The following TMCC1 variants were observed in gnomAD, a reference collection of about 807,000 sequenced individuals.
The protein encoded by TMCC1 is transmembrane and coiled-coil domains protein 1.
A neutral mutation model predicts 52.4 loss-of-function variants in TMCC1; 15 were observed. The ratio of observed to expected loss-of-function variants is 0.29; its 90% CI spans 0.19 to 0.44. TMCC1 has a LOEUF of 0.44. Among genes scored for constraint, TMCC1 ranks in the 20% least tolerant of loss-of-function variants. The pLI, the probability that TMCC1 is intolerant of heterozygous loss-of-function variation, is 1.00. For synonymous variants in TMCC1, 279 were observed against 301.9 expected (o/e 0.92, Z 0.79); for missense variants, 503 against 806.0 (o/e 0.62, Z 4.55).
chr3:129,654,345 C>T (rs747214772), intron 6 of TMCC1, among the ~76,000 whole-genome samples: 14 of 152,196 alleles, frequency 9.2e-5, no homozygotes, highest in Non-Finnish European at 1.9e-4. Flanking sequence ...TCTAGACATT[C>T]CCTTGATTCT....
intron 2 of TMCC1, among the ~76,000 whole-genome samples, chr3:129,864,418 G>C (rs764860138): frequency 2.0e-5 from 3 of 151,890 alleles, no homozygotes; most frequent in Non-Finnish European, 2.9e-5. Flanking sequence ...ACTGCACTCA[G>C]GAAAAAAATA....
intron 4 of TMCC1, among the ~76,000 whole-genome samples, chr3:129,711,982 A>G (rs1378127126): frequency 1.1e-4 from 15 of 133,500 alleles, no homozygotes; most frequent in African/African-American, 4.3e-4. Flanking sequence ...AGCCTGGGCG[A>G]CAGAGTGAGA....
intron 4 of TMCC1, among the ~76,000 whole-genome samples, chr3:129,774,366 C>T (rs144793244): frequency 2.0e-5 from 3 of 152,068 alleles, no homozygotes; most frequent in African/African-American, 7.3e-5. Context: ...AATTATCATA[C>T]CTAAAAAAAT....
chr3:129,760,428 GTGTGTGTT>G lies in TMCC1; in HGVS notation c.576+67367_576+67374del, dbSNP rs1163654364. ...TGTGTGTGTGTGTGTGTGTGTGTGT[GTGTGTGTT>G]TTTGAGACAGTCTCGCTCTGTGTGT... On this transcript the variant is annotated intron_variant, in intron 4 of 6. Transcript: ENST00000393238. 6.9e-4 allele frequency among the ~76,000 whole-genome samples: 103 copies of G among 149,358 alleles called. 3 individuals carry two copies. In the South Asian group the frequency reaches 0.021, roughly 31 times the overall value.
chr3:129,771,797 A>AAG (rs1553864006), intron 4 of TMCC1, among the ~76,000 whole-genome samples: 15 of 86,880 alleles, frequency 1.7e-4, no homozygotes, highest in Admixed American at 8.0e-4. Context: ...AAAAAAAAAA[A>AAG]AAGAAGAAGA....
intron 4 of TMCC1, among the ~76,000 whole-genome samples, chr3:129,781,691 G>A (rs142690721): frequency 3.9e-5 from 6 of 152,218 alleles, no homozygotes; most frequent in Admixed American, 2.0e-4. Context: ...GACTATGTGG[G>A]GCCCTAAATA....
In TMCC1 at chr3:129,705,899, C is replaced by CTT. The variant is rs11411569; in HGVS notation, c.577-34637_577-34636dup. On this transcript the variant is annotated intron_variant, in intron 4 of 6. Transcript: ENST00000393238. ...GAGCCACCGCGCCCGGCCTTTTTTT[C>CTT]TTTTTTTTTGAGACAAAGTCTCACT... 7.4e-4 allele frequency among the ~76,000 whole-genome samples: 107 copies of CTT among 145,508 alleles called. 1 individual carries two copies. Among genetic ancestry groups the CTT allele is most frequent in the Middle Eastern group, 3.6e-3 (1 of 278 alleles).
chr3:129,664,515 G>A (rs552457072), intron 5 of TMCC1, among the ~76,000 whole-genome samples: 3 of 152,126 alleles, frequency 2.0e-5, no homozygotes, highest in Admixed American at 2.0e-4. Flanking sequence ...AAATATCCCC[G>A]GGTTTAATAC....
chr3:129,772,322 T>TA (rs2054656706), intron 4 of TMCC1, among the ~76,000 whole-genome samples: 1 of 150,470 alleles, frequency 6.6e-6, no homozygotes, highest in African/African-American at 2.5e-5. Flanking sequence ...GTCTGGGCGA[T>TA]AGAGTGGAGA....
chr3:129,709,810 A>C (rs1007103598), intron 4 of TMCC1, among the ~76,000 whole-genome samples: 1 of 152,064 alleles, frequency 6.6e-6, no homozygotes, highest in Non-Finnish European at 1.5e-5. Flanking sequence ...GCACACTGAT[A>C]ATGGCAGAGA....
chr3:129,742,136 G>T (rs985050276), intron 4 of TMCC1, among the ~76,000 whole-genome samples: 2 of 152,058 alleles, frequency 1.3e-5, no homozygotes, highest in Non-Finnish European at 2.9e-5. Context: ...CAATGAGTCT[G>T]TTTGTGTTTT....
chr3:129,688,905 A>G (rs1346015028), intron 4 of TMCC1, among the ~76,000 whole-genome samples: 1 of 152,358 alleles, frequency 6.6e-6, no homozygotes, highest in East Asian at 1.9e-4. Context: ...GGTTGAAAGA[A>G]TCGCTTAAAG....
At position 129,865,939 on chromosome 3, in the gene TMCC1, G is replaced by A. The variant is rs140667874; in HGVS notation, c.-184+14370C>T. On this transcript the variant is annotated intron_variant, in intron 2 of 6. Transcript: ENST00000393238. ...TCAAAATGCAGATGTCCAGCAGGCA[G>A]TAGGGAAGTGCAAGCTGAATGTGCA... Among the ~76,000 whole-genome samples, 18 of 152,284 alleles carry A rather than the reference G, an allele frequency of 1.2e-4. No homozygotes were observed. In the East Asian group the frequency reaches 2.9e-3, roughly 24 times the overall value.
intron 5 of TMCC1, among the ~76,000 whole-genome samples, chr3:129,666,700 A>T (rs1016616450): frequency 6.6e-6 from 1 of 152,052 alleles, no homozygotes; most frequent in Non-Finnish European, 1.5e-5. Context: ...AGATCGCACC[A>T]CTGCACTCCA....
At chr3:129,751,061 TGTG>T (rs2052468145) in intron 4 of TMCC1, among the ~76,000 whole-genome samples, 1 of 151,748 alleles carries the variant, frequency 6.6e-6, no homozygotes, top group South Asian at 2.1e-4. Context: ...ATTAGCCAGA[TGTG>T]GTGGCACACG....
At chr3:129,793,757 C>G (rs1362324034) in intron 4 of TMCC1, among the ~76,000 whole-genome samples, 1 of 152,180 alleles carries the variant, frequency 6.6e-6, no homozygotes, top group East Asian at 1.9e-4. Flanking sequence ...ACACATGGAA[C>G]CTGCTTTTCA....
rs955893088 is a variant in TMCC1, at chr3:129,706,368, G to A, written c.577-35104C>T. Reference sequence around the variant, plus strand: ...CTACAAACGTGCACCACCATGCCCTGCTAATTTTTGTATTTTTAGTAGAGA... The same window carrying A: ...CTACAAACGTGCACCACCATGCCCTACTAATTTTTGTATTTTTAGTAGAGA... On this transcript the variant is annotated intron_variant, in intron 4 of 6. Transcript: ENST00000393238. Among the ~76,000 whole-genome samples, 5 of 150,754 alleles carry A rather than the reference G, an allele frequency of 3.3e-5. No homozygotes were observed. The East Asian group carries it at 9.8e-4, about 30-fold the overall frequency.
chr3:129,657,895 CCA>C (rs1487189219), intron 5 of TMCC1, among the ~76,000 whole-genome samples: 12 of 152,258 alleles, frequency 7.9e-5, no homozygotes, highest in South Asian at 2.1e-4. Flanking sequence ...CAATTCTACC[CCA>C]GATATAACTG....
chr3:129,871,266 G>C (rs1349504101), intron 2 of TMCC1, among the ~76,000 whole-genome samples: 1 of 151,386 alleles, frequency 6.6e-6, no homozygotes, highest in African/African-American at 2.4e-5. Context: ...GGGTGAGGCA[G>C]GAGAATTGCT....
Sources: allele counts gnomAD v4.1 joint callset (sites outside exome capture counted in the v4.1 genomes callset), GRCh38; gene constraint gnomAD v4.1.1; transcripts MANE v1.5; gene names NCBI Gene and HGNC (gene_info 2026-07-23, HGNC 2026-07-21).